FANCD2OS: variants seen among roughly 807,000 people sequenced by gnomAD.
FANCD2OS encodes the protein FANCD2 opposite strand, also known as FANCD2 opposite strand protein.
Under a neutral mutation model 13.2 loss-of-function variants are expected in FANCD2OS, and 11 were observed. The ratio of observed to expected loss-of-function variants is 0.83; its 90% CI spans 0.52 to 1.38. FANCD2OS has a LOEUF of 1.38. Ranked by LOEUF, FANCD2OS falls within the 40% of genes most tolerant of loss-of-function variation. FANCD2OS has a pLI of 0.00. For synonymous variants in FANCD2OS, 69 were observed against 84.5 expected (o/e 0.82, Z 1.01); for missense variants, 217 against 213.9 (o/e 1.01, Z -0.09).
chr3:10,092,824 T>G (rs924263792), intron 2 of FANCD2OS, among the ~76,000 whole-genome samples: 1 of 151,234 alleles, frequency 6.6e-6, no homozygotes. Flanking sequence ...CTGGAGTAGC[T>G]GGGACTACAG....
intron 2 of FANCD2OS, chr3:10,094,988 C>G: frequency 3.4e-6 from 2 of 583,438 alleles, no homozygotes; most frequent in South Asian, 4.0e-5. Flanking sequence ...GGTCTTATAA[C>G]TCTCAGATTG....
chr3:10,090,443 ATTTTTTTTT>A, intron 2 of FANCD2OS: 9 of 340,186 alleles, frequency 2.6e-5, no homozygotes, highest in Admixed American at 4.3e-5. Context: ...GAAGTTGCTG[ATTTTTTTTT>A]TTTTTTTTTT....
chr3:10,093,463 T>C, intron 2 of FANCD2OS: 1 of 780,028 alleles, frequency 1.3e-6, no homozygotes, highest in Non-Finnish European at 2.3e-6. Context: ...GGGAAGGCAA[T>C]GGATGCATTT....
intron 1 of FANCD2OS, among the ~76,000 whole-genome samples, chr3:10,105,870 T>C (rs2125111622): frequency 7.0e-6 from 1 of 142,286 alleles, no homozygotes; most frequent in South Asian, 2.3e-4. Context: ...TCAGCATCAT[T>C]TGGAAACTTG....
At chr3:10,091,477 GAA>G (rs1018395681) in intron 2 of FANCD2OS, among the ~76,000 whole-genome samples, 10 of 142,370 alleles carry the variant, frequency 7.0e-5, no homozygotes. Context: ...GTCTCAAAAA[GAA>G]AAAAAAAAGA....
intron 1 of FANCD2OS, among the ~76,000 whole-genome samples, chr3:10,105,770 AATTATATATATATATATAT>A (rs1184286853): frequency 3.3e-5 from 1 of 30,362 alleles, no homozygotes; most frequent in Admixed American, 4.6e-4. Context: ...AAAAAAAAAA[AATTATATATATATATATAT>A]ATATATATAT....
At chr3:10,094,426 G>A (rs1694831940) in intron 2 of FANCD2OS, 2 of 1,385,186 alleles carry the variant, frequency 1.4e-6, no homozygotes, top group Non-Finnish European at 2.1e-6. Flanking sequence ...ATATGTCCTT[G>A]GTGACTCCTG....
At chr3:10,096,529 C>T (rs986709071) in intron 2 of FANCD2OS, 1 of 1,547,364 alleles carries the variant, frequency 6.5e-7, no homozygotes. Context: ...GTGACAGCAT[C>T]AGATGGCATG....
intron 2 of FANCD2OS, chr3:10,093,155 T>C: frequency 1.4e-6 from 1 of 718,624 alleles, no homozygotes; most frequent in East Asian, 2.6e-5. Context: ...AATATTAATT[T>C]AAATGTTGAC....
chr3:10,090,755 G>C (rs1191217166), intron 2 of FANCD2OS, among the ~76,000 whole-genome samples: 1 of 152,230 alleles, frequency 6.6e-6, no homozygotes, highest in African/African-American at 2.4e-5. Context: ...ACTGCGCCCG[G>C]TGGTAGTTGC....
chr3:10,087,291 T>C (rs1694273702), intron 2 of FANCD2OS: 2 of 1,587,070 alleles, frequency 1.3e-6, no homozygotes, highest in African/African-American at 1.4e-5. Context: ...CTTTTTTTTT[T>C]TTTTTTTTTA....
At chr3:10,087,089 C>T in intron 2 of FANCD2OS, 1 of 1,608,438 alleles carries the variant, frequency 6.2e-7, no homozygotes, top group Non-Finnish European at 8.5e-7. Flanking sequence ...ATCTGTGACA[C>T]ATAGGATACT....
Position 10,104,170 on chromosome 3 carries a change from C to T in FANCD2OS, c.*71G>A. ...AATGTCACAGTTTCATTTACATGGA[C>T]AGGTTTCTGTAAGCTTTAGGTACAT... On this transcript the variant is annotated 3_prime_UTR_variant, in exon 2 of 2. Transcript: ENST00000450660. 7.4e-7 allele frequency: 1 copy of T among 1,342,710 alleles called. No individual in the cohort carries two copies. Among genetic ancestry groups the T allele is most frequent in the Non-Finnish European group, 1.0e-6 (1 of 985,718 alleles). The allele number at this position is 1,342,710 out of a possible 1,614,324, so 83.2% of individuals were successfully genotyped here.
chr3:10,102,862 A>G (rs573649627), downstream of FANCD2OS: 29 of 183,464 alleles, frequency 1.6e-4, no homozygotes, highest in South Asian at 2.2e-3. Flanking sequence ...AAAAAAAAAG[A>G]CCAAAATAAA....
At chr3:10,107,307 A>G (rs540791603) in intron 1 of FANCD2OS, among the ~76,000 whole-genome samples, 69 of 150,534 alleles carry the variant, frequency 4.6e-4, no homozygotes, top group African/African-American at 1.7e-3. Context: ...TTTTTTTTTG[A>G]GACAGAGCCT....
At position 10,105,761 on chromosome 3, in the gene FANCD2OS, AAAAAAAAAAAT is replaced by A. The variant is rs1277233298; in HGVS notation, c.-8-990_-8-980del. 6.9e-3 allele frequency among the ~76,000 whole-genome samples: 476 copies of A among 68,838 alleles called. 24 individuals carry two copies. The highest frequency in any genetic ancestry group is 0.057 in the South Asian group (142 of 2,492). 45.2% of individuals were successfully genotyped at this position (68,838 alleles called of 152,430 possible). A position where few individuals can be genotyped will look rare whatever the true frequency, so the allele number is the denominator to read the frequency against. ...GCAAGACTCCATCTAAAAAAAAAAAAAAAAAAAAAATTATATATATATATATATATATATAT... is the reference window on the plus strand; with the variant it reads ...GCAAGACTCCATCTAAAAAAAAAAAATATATATATATATATATATATATAT... On this transcript the variant is annotated intron_variant, in intron 1 of 1. Transcript: ENST00000450660.
At chr3:10,090,987 G>A (rs1447488071) in intron 2 of FANCD2OS, among the ~76,000 whole-genome samples, 1 of 151,948 alleles carries the variant, frequency 6.6e-6, no homozygotes, top group East Asian at 1.9e-4. Context: ...AGATACTGTG[G>A]ATCTTGGCAG....
chr3:10,094,241 T>C (rs765039708), intron 2 of FANCD2OS: 1 of 1,461,054 alleles, frequency 6.8e-7, no homozygotes, highest in South Asian at 1.1e-5. Context: ...CAGGGGCCTT[T>C]CAGTGAGATA....
chr3:10,099,127 G>A (rs1490398162), downstream of FANCD2OS: 18 of 1,483,246 alleles, frequency 1.2e-5, no homozygotes, highest in Admixed American at 2.4e-5. Flanking sequence ...AGAAGTCATC[G>A]AAGTATTTTC....
Sources: gnomAD v4.1 joint callset for allele counts (sites outside exome capture counted in the v4.1 genomes callset) on GRCh38, gnomAD v4.1.1 for gene constraint, MANE v1.5 for transcripts, NCBI Gene and HGNC (gene_info 2026-07-23, HGNC 2026-07-21) for gene names.